Variants in ARHGEF10 observed in about 807,000 individuals in gnomAD.
ARHGEF10 encodes Rho guanine nucleotide exchange factor 10, also known as Rho guanine nucleotide exchange factor (GEF) 10.
ARHGEF10 carries 140 observed loss-of-function variants against 147.4 expected under a neutral mutation model. The observed-to-expected ratio is 0.95, with a 90% CI of 0.83 to 1.09. ARHGEF10 has a LOEUF of 1.09. Among genes scored for constraint, ARHGEF10 ranks in the 50% least tolerant of loss-of-function variants. The pLI is 0.00. For missense variants in ARHGEF10, 2,222 were observed against 1,752.7 expected, an observed-to-expected ratio of 1.27 and a Z score of -4.78; for synonymous variants, 902 against 695.8, an observed-to-expected ratio of 1.30 and a Z score of -4.67.
chr8:1,862,775 C>CTTTTTTTTTTTTT (rs10594929), intron 4 of ARHGEF10, among the ~76,000 whole-genome samples: 2 of 120,508 alleles, frequency 1.7e-5, no homozygotes, highest in African/African-American at 3.4e-5. Context: ...TTTTCTTCTT[C>CTTTTTTTTTTTTT]TTTTTTTTTT....
At chr8:1,916,292 CCTA>C (rs1398730077) in intron 18 of ARHGEF10, among the ~76,000 whole-genome samples, 1 of 152,216 alleles carries the variant, frequency 6.6e-6, no homozygotes, top group African/African-American at 2.4e-5. Flanking sequence ...ACACGTGTGT[CCTA>C]CTACACATGG....
chr8:1,946,006 G>A, intron 27 of ARHGEF10: 1 of 440,070 alleles, frequency 2.3e-6, no homozygotes. Flanking sequence ...AGGACCTGAG[G>A]CTGAAGAACA....
intron 18 of ARHGEF10, among the ~76,000 whole-genome samples, chr8:1,912,159 C>T (rs1215898442): frequency 1.3e-5 from 2 of 152,208 alleles, no homozygotes; most frequent in Non-Finnish European, 2.9e-5. Flanking sequence ...CTCCCTGTCC[C>T]TGCAAAAGCG....
intron 1 of ARHGEF10, among the ~76,000 whole-genome samples, chr8:1,824,641 C>T (rs1802626290): frequency 7.4e-6 from 1 of 134,770 alleles, no homozygotes; most frequent in Non-Finnish European, 1.6e-5. Flanking sequence ...ACCAGTTCCC[C>T]GCACCCCAGC....
At chr8:1,908,580 T>C (rs931584174) in intron 17 of ARHGEF10, among the ~76,000 whole-genome samples, 4 of 152,164 alleles carry the variant, frequency 2.6e-5, no homozygotes, top group Non-Finnish European at 5.9e-5. Context: ...CAAAACGTGA[T>C]GATCACTAAG....
rs781443924 is a variant in ARHGEF10, at chr8:1,956,942, C to A, written c.3714C>A (p.Asp1238Glu). 6.2e-7 allele frequency: 1 copy of A among 1,614,198 alleles called. No homozygotes were observed. Among genetic ancestry groups the A allele is most frequent in the South Asian group, 1.1e-5 (1 of 91,086 alleles). ...AGSSLSQGDPDAAIWLGDSLG... is the reference protein window; with the variant it reads ...AGSSLSQGDPEAAIWLGDSLG... ...CATCTCTGAGCCAGGGTGACCCTGA[C>A]GCAGCCATCTGGTTGGGAGATTCGC... Residue 1238 changes from aspartate (D) to glutamate (E), a missense_variant, in exon 29 of 29, where the codon GAC (aspartate) becomes GAA (glutamate). Transcript: ENST00000349830.
chr8:1,938,036 G>A (rs1209505193), intron 26 of ARHGEF10, among the ~76,000 whole-genome samples: 1 of 152,172 alleles, frequency 6.6e-6, no homozygotes. Flanking sequence ...CACCCCCAAC[G>A]TGGCAGGGGG....
At chr8:1,853,648 T>C (rs1805321034) in intron 2 of ARHGEF10, among the ~76,000 whole-genome samples, 1 of 152,202 alleles carries the variant, frequency 6.6e-6, no homozygotes, top group Non-Finnish European at 1.5e-5. Context: ...GCCCTGAGGA[T>C]GGCACAGGAC....
chr8:1,892,389 C>G (rs935078070), intron 11 of ARHGEF10, among the ~76,000 whole-genome samples: 2 of 148,092 alleles, frequency 1.4e-5, no homozygotes, highest in Non-Finnish European at 3.0e-5. Context: ...ACATCAGTTT[C>G]TTCTTTGGGT....
intron 23 of ARHGEF10, 25 bp downstream of exon 23, chr8:1,926,488 G>A (rs764885246): frequency 6.3e-7 from 1 of 1,599,162 alleles, no homozygotes; most frequent in Admixed American, 1.7e-5. Flanking sequence ...TTTGGTTTTG[G>A]TACAAGTTCA....
intron 5 of ARHGEF10, among the ~76,000 whole-genome samples, chr8:1,865,987 C>T (rs1319082885): frequency 1.3e-5 from 2 of 152,206 alleles, no homozygotes; most frequent in South Asian, 2.1e-4. Context: ...GGAGCATTCC[C>T]GTAGCTACCC....
intron 10 of ARHGEF10, 59 bp downstream of exon 10, chr8:1,882,808 C>G (rs1808329508): frequency 4.4e-6 from 2 of 454,042 alleles, no homozygotes; most frequent in Non-Finnish European, 7.8e-6. Context: ...GCGGCCACAT[C>G]TTGTGGGGAG....
intron 16 of ARHGEF10, 88 bp from the exon 17 acceptor site, chr8:1,905,483 C>G: frequency 6.5e-7 from 1 of 1,547,152 alleles, no homozygotes; most frequent in Non-Finnish European, 8.9e-7. Flanking sequence ...GAAAAGTCAC[C>G]CTGAGACTCC....
At chr8:1,885,760 T>TTTA in intron 11 of ARHGEF10, 53 bp downstream of exon 11, 2 of 1,381,396 alleles carry the variant, frequency 1.4e-6, no homozygotes, top group South Asian at 1.2e-5. Flanking sequence ...TGTGCTAGTT[T>TTTA]TTAAATATTT....
chr8:1,824,468 G>A (rs1393364350), intron 1 of ARHGEF10, among the ~76,000 whole-genome samples: 3 of 151,904 alleles, frequency 2.0e-5, no homozygotes, highest in Non-Finnish European at 2.9e-5. Flanking sequence ...TAGATTTTCC[G>A]GTAAAGGAGA....
chr8:1,946,569 T>A (rs73671063), intron 27 of ARHGEF10, among the ~76,000 whole-genome samples: 16,016 of 152,254 alleles, frequency 0.11, 999 homozygotes, highest in African/African-American at 0.17. Context: ...GCTAATCCCA[T>A]CATGGGGACC....
chr8:1,828,213 CTTTG>C (rs1802882639), intron 1 of ARHGEF10, among the ~76,000 whole-genome samples: 2 of 152,190 alleles, frequency 1.3e-5, no homozygotes, highest in Non-Finnish European at 2.9e-5. Context: ...AGATCACGTT[CTTTG>C]TTTTGTTTTG....
intron 27 of ARHGEF10, chr8:1,945,873 A>AAGGAGCCGCGTGCTGGG (rs138520434): frequency 0.86 from 529,430 of 612,180 alleles, 245,179 homozygotes; most frequent in East Asian, 0.99. Context: ...ACAGGTCCTG[A>AAGGAGCCGCGTGCTGGG]AGGAGCCGCG....
chr8:1,874,020 C>T (rs1243973724), intron 7 of ARHGEF10, among the ~76,000 whole-genome samples: 3 of 152,210 alleles, frequency 2.0e-5, no homozygotes, highest in Admixed American at 6.5e-5. Context: ...AGATTGTCAT[C>T]GAGGACAATA....
Sources: gnomAD v4.1 joint callset for allele counts (sites outside exome capture counted in the v4.1 genomes callset) on GRCh38, gnomAD v4.1.1 for gene constraint, MANE v1.5 for transcripts, NCBI Gene and HGNC (gene_info 2026-07-23, HGNC 2026-07-21) for gene names.